The following SLC24A3 variants were observed in gnomAD, a reference collection of about 807,000 sequenced individuals.
The protein encoded by SLC24A3 is solute carrier family 24 member 3, also known as sodium/potassium/calcium exchanger 3.
In SLC24A3, 28 loss-of-function variants were observed where a neutral mutation model predicts 75.8. The ratio of observed to expected loss-of-function variants is 0.37; its 90% CI spans 0.27 to 0.51. The LOEUF is 0.51. Ranked by LOEUF, SLC24A3 falls within the 20% of genes least tolerant of loss-of-function variation. SLC24A3 has a pLI of 0.94. For synonymous variants in SLC24A3, 372 were observed against 334.1 expected, an observed-to-expected ratio of 1.11 and a Z score of -1.24; for missense variants, 663 against 847.8, an observed-to-expected ratio of 0.78 and a Z score of 2.71.
In SLC24A3 at chr20:19,384,107, C is replaced by T. The variant is rs183091681; in HGVS notation, c.271+103020C>T. 4.6e-5 allele frequency among the ~76,000 whole-genome samples: 7 copies of T among 152,284 alleles called. No individual in the cohort carries two copies. In the East Asian group the frequency reaches 1.3e-3, roughly 29 times the overall value. On this transcript the variant is annotated intron_variant, in intron 2 of 16. Coordinates refer to ENST00000328041, the MANE Select transcript of SLC24A3 (RefSeq NM_020689.4). ...AATATGATGTATTCACTTTCATAAA[C>T]ATTGTGAAATAATTACCACAGTTAA... is the stretch of plus-strand genomic sequence containing the variant.
chr20:19,618,617 C>A lies in SLC24A3; in HGVS notation c.612+33073C>A, dbSNP rs1293121633. Among the ~76,000 whole-genome samples, 5 of 152,182 alleles carry A rather than the reference C, an allele frequency of 3.3e-5. No individual in the cohort carries two copies. The East Asian group carries it at 9.6e-4, about 29-fold the overall frequency. ...GAGAGAGAATTCAGCCCGTGACAAC[C>A]ATGTACCAACTAGGTGACCTTAACC... is the stretch of plus-strand genomic sequence containing the variant. On this transcript the variant is annotated intron_variant, in intron 6 of 16. Coordinates refer to ENST00000328041, the MANE Select transcript of SLC24A3 (RefSeq NM_020689.4).
At chr20:19,684,493 G>T (rs1304890506) in intron 11 of SLC24A3, among the ~76,000 whole-genome samples, 157 bp downstream of exon 11, 1 of 152,148 alleles carries the variant, frequency 6.6e-6, no homozygotes, top group Non-Finnish European at 1.5e-5. Flanking sequence ...TGGGCCAGCT[G>T]TATATCTGGC....
chr20:19,653,448 A>AT (rs1164505009), intron 6 of SLC24A3, among the ~76,000 whole-genome samples: 1 of 152,236 alleles, frequency 6.6e-6, no homozygotes, highest in Non-Finnish European at 1.5e-5. Flanking sequence ...CAGGCATATA[A>AT]TAGAGATGAG....
chr20:19,659,993 G>A (rs2032308246), intron 7 of SLC24A3, among the ~76,000 whole-genome samples: 1 of 152,182 alleles, frequency 6.6e-6, no homozygotes, highest in Admixed American at 6.5e-5. Context: ...AGAAATCTCA[G>A]AGGTCATGTG....
rs542220929 is a variant in SLC24A3 at position 19,277,812 on chromosome 20, A to G, written c.143-3147A>G. Among the ~76,000 whole-genome samples the G allele has an allele frequency of 8.5e-5, 13 of 152,324 alleles. No homozygotes were observed. The South Asian group carries it at 2.7e-3, about 32-fold the overall frequency. ...ATCAGCTTTTCTCTCAGAATTACGG[A>G]ACCATGGAAACTTGGCATATGAAGG... On this transcript the variant is annotated intron_variant, in intron 1 of 16. Coordinates refer to ENST00000328041, the MANE Select transcript of SLC24A3 (RefSeq NM_020689.4).
chr20:19,485,676 G>A (rs1304382431), intron 2 of SLC24A3, among the ~76,000 whole-genome samples: 1 of 152,008 alleles, frequency 6.6e-6, no homozygotes, highest in Non-Finnish European at 1.5e-5. Context: ...GATGATGAAG[G>A]TCCCAGTCAT....
chr20:19,402,648 GT>G (rs1438823537), intron 2 of SLC24A3, among the ~76,000 whole-genome samples: 1 of 152,194 alleles, frequency 6.6e-6, no homozygotes, highest in Non-Finnish European at 1.5e-5. Flanking sequence ...CAGAGAAGTT[GT>G]TTTTTTGACA....
At chr20:19,455,542 A>G (rs1600236491) in intron 2 of SLC24A3, among the ~76,000 whole-genome samples, 1 of 152,214 alleles carries the variant, frequency 6.6e-6, no homozygotes, top group African/African-American at 2.4e-5. Flanking sequence ...GAGAGCCGAG[A>G]ATGTCTGGAA....
chr20:19,348,753 G>C (rs1352509683), intron 2 of SLC24A3, among the ~76,000 whole-genome samples: 1 of 152,164 alleles, frequency 6.6e-6, no homozygotes, highest in Admixed American at 6.5e-5. Flanking sequence ...ATATGCCGAG[G>C]AGTGCATGGA....
At chr20:19,275,573 G>T (rs1450028290) in intron 1 of SLC24A3, among the ~76,000 whole-genome samples, 3 of 152,092 alleles carry the variant, frequency 2.0e-5, no homozygotes, top group African/African-American at 7.2e-5. Flanking sequence ...TGTTTGTCAG[G>T]GGGCATGCAG....
chr20:19,390,645 T>C (rs928050666), intron 2 of SLC24A3, among the ~76,000 whole-genome samples: 2 of 152,142 alleles, frequency 1.3e-5, no homozygotes, highest in Admixed American at 6.5e-5. Context: ...GAGTGACCTG[T>C]TGCTTGGAGT....
chr20:19,323,898 T>G (rs1984775652), intron 2 of SLC24A3, among the ~76,000 whole-genome samples: 1 of 152,238 alleles, frequency 6.6e-6, no homozygotes, highest in Non-Finnish European at 1.5e-5. Flanking sequence ...GTTATTATCA[T>G]CAGCAGCATC....
intron 3 of SLC24A3, among the ~76,000 whole-genome samples, chr20:19,527,548 A>G (rs1215564556): frequency 6.6e-6 from 1 of 152,164 alleles, no homozygotes; most frequent in African/African-American, 2.4e-5. Flanking sequence ...TAAGTTAAAT[A>G]CTCAGGAAAC....
intron 1 of SLC24A3, among the ~76,000 whole-genome samples, chr20:19,236,211 A>G (rs1982163031): frequency 6.6e-6 from 1 of 152,232 alleles, no homozygotes; most frequent in Admixed American, 6.5e-5. Context: ...AGAGTCAAGT[A>G]GGGAGAATGG....
intron 2 of SLC24A3, among the ~76,000 whole-genome samples, chr20:19,453,985 G>GT (rs1987536641): frequency 6.6e-6 from 1 of 152,202 alleles, no homozygotes; most frequent in Non-Finnish European, 1.5e-5. Flanking sequence ...TGACAGAGCG[G>GT]TTTTTCCACT....
At chr20:19,709,957 G>T (rs1348090567) in intron 15 of SLC24A3, among the ~76,000 whole-genome samples, 1 of 152,154 alleles carries the variant, frequency 6.6e-6, no homozygotes, top group Non-Finnish European at 1.5e-5. Flanking sequence ...TCATTAAATT[G>T]CTTCTTTTCT....
At chr20:19,431,220 C>T (rs538139638) in intron 2 of SLC24A3, among the ~76,000 whole-genome samples, 40 of 151,876 alleles carry the variant, frequency 2.6e-4, no homozygotes, top group African/African-American at 8.7e-4. Context: ...CTGGGTCCTC[C>T]GAGAAACAGA....
At chr20:19,354,014 A>G (rs1985628071) in intron 2 of SLC24A3, among the ~76,000 whole-genome samples, 2 of 152,204 alleles carry the variant, frequency 1.3e-5, no homozygotes, top group Non-Finnish European at 2.9e-5. Flanking sequence ...GAATGTTTAT[A>G]GCAATTTTAT....
intron 1 of SLC24A3, chr20:19,244,044 T>C (rs1260697144): frequency 6.6e-6 from 1 of 152,172 alleles, no homozygotes; most frequent in East Asian, 1.9e-4. Flanking sequence ...TTTAAACGTA[T>C]TCTGTCATCC....
Sources: allele counts gnomAD v4.1 joint callset (sites outside exome capture counted in the v4.1 genomes callset), GRCh38; gene constraint gnomAD v4.1.1; transcripts MANE v1.5; gene names NCBI Gene and HGNC (gene_info 2026-07-23, HGNC 2026-07-21).